EML6: variants seen among roughly 807,000 people sequenced by gnomAD.
EML6 encodes the protein echinoderm microtubule-associated protein-like 6.
Under a neutral mutation model 240.1 loss-of-function variants are expected in EML6, and 154 were observed. The observed-to-expected ratio is 0.64, with a 90% CI of 0.56 to 0.73. The LOEUF is 0.73. Among genes scored for constraint, EML6 ranks in the 30% least tolerant of loss-of-function variants. The pLI is 0.00. For missense variants in EML6, 2,964 were observed against 2,474.6 expected (o/e 1.20, Z -4.20); for synonymous variants, 1,148 against 899.0 (o/e 1.28, Z -4.95).
At position 54,928,719 on chromosome 2, in the gene EML6, C is replaced by G. The variant is rs1295763180; in HGVS notation, c.3972C>G (p.His1324Gln). The change falls in exon 28 of 42, where the codon CAC (histidine) becomes CAG (glutamine). Residue 1324 changes from histidine to glutamine, a missense_variant. Coordinates refer to ENST00000356458, the MANE Select transcript of EML6 (RefSeq NM_001039753.4). ...GGGAAATGGAAGGCACCAAGCCACA[C>G]CAGCAGCTGAAGGAAGTTTCCGTGG... ...SIREMEGTKP[H>Q]QQLKEVSVEE... The G allele has an allele frequency of 1.9e-6, 3 of 1,551,878 alleles. No individual in the cohort carries two copies. The highest frequency in any genetic ancestry group is 1.2e-5 in the South Asian group (1 of 84,056).
chr2:54,825,554 C>A (rs1042432528), intron 5 of EML6, among the ~76,000 whole-genome samples: 11 of 152,178 alleles, frequency 7.2e-5, no homozygotes, highest in Non-Finnish European at 1.5e-4. Flanking sequence ...TGAGCCACTG[C>A]ACCTGGCTGC....
chr2:54,902,842 T>C (rs1349478597), intron 22 of EML6, among the ~76,000 whole-genome samples: 1 of 152,242 alleles, frequency 6.6e-6, no homozygotes, highest in Non-Finnish European at 1.5e-5. Context: ...TCCAAAGTGC[T>C]GGGATTACAG....
At chr2:54,723,950 C>T (rs1253518513) in intron 1 of EML6, among the ~76,000 whole-genome samples, 173 bp downstream of exon 1, 2 of 152,192 alleles carry the variant, frequency 1.3e-5, no homozygotes, top group African/African-American at 4.8e-5. Context: ...GGGTTGCTGT[C>T]CCCCGGGTCC....
intron 17 of EML6, among the ~76,000 whole-genome samples, chr2:54,890,580 T>C (rs973159994): frequency 2.6e-5 from 4 of 152,126 alleles, no homozygotes; most frequent in African/African-American, 9.7e-5. Flanking sequence ...TTCTAAACAA[T>C]ATGTTTCCAG....
In EML6 at chr2:54,847,475, C is replaced by G; in HGVS notation, c.1050-11C>G. ...GGTTTTGTTTTGTTTTGACTTCGTTCTTGTGCCTAGGCTGTGGAGCCTGGC... is the reference window on the plus strand; with the variant it reads ...GGTTTTGTTTTGTTTTGACTTCGTTGTTGTGCCTAGGCTGTGGAGCCTGGC... On this transcript the variant is annotated splice_polypyrimidine_tract_variant and intron_variant, in intron 8 of 41. Coordinates refer to ENST00000356458, the MANE Select transcript of EML6 (RefSeq NM_001039753.4). The G allele has an allele frequency of 6.5e-7, 1 of 1,549,956 alleles. No individual in the cohort carries two copies. The highest frequency in any genetic ancestry group is 8.7e-7 in the Non-Finnish European group (1 of 1,146,330).
At chr2:54,899,803 C>G (rs1171985965) in intron 22 of EML6, 21 bp downstream of exon 22, 4 of 1,541,300 alleles carry the variant, frequency 2.6e-6, no homozygotes, top group Non-Finnish European at 3.5e-6. Flanking sequence ...CCACCTTACA[C>G]ATCTGTCAGA....
chr2:54,957,702 G>C, intron 32 of EML6, 88 bp from the exon 33 acceptor site: 1 of 1,176,126 alleles, frequency 8.5e-7, no homozygotes, highest in Middle Eastern at 2.7e-4. Flanking sequence ...GCTTACGCCT[G>C]CTGGGGTGGA....
intron 28 of EML6, among the ~76,000 whole-genome samples, chr2:54,942,775 C>T (rs1481358706): frequency 6.6e-6 from 1 of 152,200 alleles, no homozygotes; most frequent in Non-Finnish European, 1.5e-5. Context: ...TCCTTTGTCC[C>T]TCAGTGTCTT....
intron 7 of EML6, among the ~76,000 whole-genome samples, chr2:54,841,540 C>A (rs1669452849): frequency 1.3e-5 from 2 of 151,104 alleles, no homozygotes; most frequent in Non-Finnish European, 1.5e-5. Flanking sequence ...CCCAAATTAC[C>A]CCTTCTGTTG....
At chr2:54,878,974 C>T (rs558654503) in intron 16 of EML6, among the ~76,000 whole-genome samples, 41 of 152,298 alleles carry the variant, frequency 2.7e-4, no homozygotes, top group African/African-American at 8.7e-4. Flanking sequence ...AAGTACACTA[C>T]ATTTGAAATA....
At chr2:54,886,160 CTTTTTTT>C (rs869107962) in intron 17 of EML6, among the ~76,000 whole-genome samples, 1 of 82,216 alleles carries the variant, frequency 1.2e-5, no homozygotes, top group African/African-American at 4.3e-5. Context: ...TTTTAACCTT[CTTTTTTT>C]TTTTTTTTTT....
rs1338215209 is a variant in EML6, at chr2:54,850,026, C to G, written c.1252C>G (p.Pro418Ala). 2.6e-6 allele frequency: 4 copies of G among 1,551,620 alleles called. No individual in the cohort carries two copies. The highest frequency in any genetic ancestry group is 2.0e-5 in the Admixed American group (1 of 51,008). The change falls in exon 10 of 42, where the codon CCA (proline) becomes GCA (alanine). Residue 418 changes from proline (P) to alanine (A), a missense_variant. Physicochemically the swap from Pro to Ala is conservative, Grantham distance 27 (BLOSUM62 -1). Transcript: ENST00000356458. ...AGTCATTCATGAAATGAAATTTTCT[C>G]CAGATGGTTCTTACCTTGCAGTGGG... ...KEVIHEMKFS[P>A]DGSYLAVGSN... is the part of the protein sequence containing the mutation.
rs202192837 is a variant in EML6 at position 54,962,550 on chromosome 2, G to T, written c.4996G>T (p.Gly1666Ter). ...AAAAATCTTAGTGGGAACCAAAGAC[G>T]GAGAAATAATTGAAGTTGGTGAAAA... ...KGKILVGTKD[G>*]EIIEVGEKNA... The change falls in exon 36 of 42, where the codon GGA (glycine) becomes TGA (stop). Residue 1666 changes from glycine (G) to a stop codon, truncating the protein, a stop_gained. Coordinates refer to ENST00000356458, the MANE Select transcript of EML6 (RefSeq NM_001039753.4). LOFTEE classifies it high-confidence loss of function. The T allele has an allele frequency of 6.5e-7, 1 of 1,547,322 alleles. No homozygotes were observed. Among genetic ancestry groups the T allele is most frequent in the African/African-American group, 1.4e-5 (1 of 72,840 alleles).
chr2:54,949,450 G>C (rs943744729), intron 29 of EML6, among the ~76,000 whole-genome samples: 13 of 152,170 alleles, frequency 8.5e-5, no homozygotes, highest in Admixed American at 5.2e-4. Flanking sequence ...AGGACGCTGT[G>C]GCTGAGGGGA....
chr2:54,871,107 T>C (rs1671233606), intron 15 of EML6, among the ~76,000 whole-genome samples: 1 of 151,948 alleles, frequency 6.6e-6, no homozygotes, highest in Admixed American at 6.6e-5. Flanking sequence ...TGAGAATGGG[T>C]AAAATAACTC....
At position 54,916,746 on chromosome 2, in the gene EML6, C is replaced by G. The variant is rs550511342; in HGVS notation, c.3499-13C>G. On this transcript the variant is annotated splice_polypyrimidine_tract_variant and intron_variant, in intron 25 of 41. Coordinates refer to ENST00000356458, the MANE Select transcript of EML6 (RefSeq NM_001039753.4). ...GTTGTGCAAAAATATCATTCTCTTT[C>G]GTTCTTTTTCAGATCGAGAAGATAG... 46 of 1,476,276 alleles carry G rather than the reference C, an allele frequency of 3.1e-5. No homozygotes were observed. The East Asian group carries it at 1.0e-3, about 33-fold the overall frequency. 91.4% of individuals were successfully genotyped at this position (1,476,276 alleles called of 1,614,324 possible). A position where few individuals can be genotyped will look rare whatever the true frequency, so the allele number is the denominator to read the frequency against.
At chr2:54,742,001 C>T (rs904679483) in intron 2 of EML6, among the ~76,000 whole-genome samples, 2 of 152,200 alleles carry the variant, frequency 1.3e-5, no homozygotes, top group African/African-American at 4.8e-5. Context: ...ACAATAAGTA[C>T]AGTGGAGAAA....
intron 35 of EML6, among the ~76,000 whole-genome samples, chr2:54,961,433 C>T (rs1352633746): frequency 6.6e-6 from 1 of 151,426 alleles, no homozygotes; most frequent in African/African-American, 2.4e-5. Flanking sequence ...GTGATCCACC[C>T]ACCACGGCCT....
At chr2:54,853,026 G>T (rs1309343504) in intron 10 of EML6, among the ~76,000 whole-genome samples, 4 of 152,100 alleles carry the variant, frequency 2.6e-5, no homozygotes, top group Non-Finnish European at 5.9e-5. Flanking sequence ...TCATAATCTT[G>T]TAGATTTTCA....
Sources: allele counts gnomAD v4.1 joint callset (sites outside exome capture counted in the v4.1 genomes callset), GRCh38; gene constraint gnomAD v4.1.1; transcripts MANE v1.5; gene names NCBI Gene and HGNC (gene_info 2026-07-23, HGNC 2026-07-21).